CCR3: variants seen among roughly 807,000 people sequenced by gnomAD.
CCR3 encodes C-C motif chemokine receptor 3.
For missense variants in CCR3, 419 were observed against 437.5 expected, an observed-to-expected ratio of 0.96 and a Z score of 0.38; for synonymous variants, 203 against 179.2, an observed-to-expected ratio of 1.13 and a Z score of -1.06.
In CCR3 at chr3:46,266,355, GA is replaced by G. The variant is rs1700634655; in HGVS notation, c.*132del. 1.6e-6 allele frequency: 1 copy of G among 639,628 alleles called. No individual in the cohort carries two copies. The highest frequency in any genetic ancestry group is 2.8e-6 in the Non-Finnish European group (1 of 357,672). The allele number at this position is 639,628 out of a possible 1,614,324, so 39.6% of individuals were successfully genotyped here. ...CAACACTGAAGCTCTTGAAGACACT[GA>G]AATATACACACAGCAGTAGCAGTAG... On this transcript the variant is annotated 3_prime_UTR_variant, in exon 2 of 2. Transcript: ENST00000395940.
intron 2 of CCR3, among the ~76,000 whole-genome samples, chr3:46,234,685 G>T (rs1191352849): frequency 2.6e-5 from 4 of 152,178 alleles, no homozygotes; most frequent in Non-Finnish European, 5.9e-5. Flanking sequence ...CTCCCATGAA[G>T]ATCTGAGTCA....
intron 1 of CCR3, among the ~76,000 whole-genome samples, chr3:46,260,620 A>G (rs945504258): frequency 3.3e-5 from 5 of 152,242 alleles, no homozygotes; most frequent in Admixed American, 2.6e-4. Flanking sequence ...TGCAGATGTA[A>G]GAGGTGAGTT....
upstream of CCR3, among the ~76,000 whole-genome samples, chr3:46,240,629 C>A (rs1347449636): frequency 6.6e-6 from 1 of 152,174 alleles, no homozygotes; most frequent in Non-Finnish European, 1.5e-5. Flanking sequence ...TTCAGACCAC[C>A]CTGAGTGGCT....
At chr3:46,264,843 CCT>C (rs1700587493) in intron 1 of CCR3, 2 of 398,678 alleles carry the variant, frequency 5.0e-6, no homozygotes, top group Admixed American at 8.5e-5. Flanking sequence ...CCTGTTTTTT[CCT>C]GTTTTGTATT....
chr3:46,265,836 G>A lies in CCR3; in HGVS notation c.678G>A (p.Leu226=). The change falls in exon 2 of 2, where the codon CTG becomes CTA. Residue 226 remains leucine, a synonymous_variant. Coordinates refer to ENST00000395940, the MANE Select transcript of CCR3 (RefSeq NM_178329.3). ...AICYTGIIKT[L]LRCPSKKKYK... Reference sequence around the variant, plus strand: ...GCTACACAGGAATCATCAAAACGCTGCTGAGGTGCCCCAGTAAAAAAAAGT... The same window carrying A: ...GCTACACAGGAATCATCAAAACGCTACTGAGGTGCCCCAGTAAAAAAAAGT... The A allele has an allele frequency of 6.2e-7, 1 of 1,614,014 alleles. No individual in the cohort carries two copies. Among genetic ancestry groups the A allele is most frequent in the Non-Finnish European group, 8.5e-7 (1 of 1,179,994 alleles).
chr3:46,215,873 G>A (rs1699768662), intron 2 of CCR3, among the ~76,000 whole-genome samples: 1 of 152,192 alleles, frequency 6.6e-6, no homozygotes, highest in Admixed American at 6.5e-5. Flanking sequence ...GTTGTAGGGA[G>A]CAGGCTCACT....
chr3:46,231,450 A>G (rs1285269761), intron 2 of CCR3, among the ~76,000 whole-genome samples: 2 of 152,236 alleles, frequency 1.3e-5, no homozygotes, highest in South Asian at 4.1e-4. Context: ...TACTTGTAGG[A>G]AAAGGAGCGG....
intron 2 of CCR3, among the ~76,000 whole-genome samples, chr3:46,225,876 G>A (rs949676951): frequency 3.3e-5 from 5 of 152,150 alleles, no homozygotes; most frequent in Admixed American, 2.6e-4. Flanking sequence ...TTTAGGCTGA[G>A]GGTCATTTTG....
Position 46,266,410 on chromosome 3 carries a change from G to A in CCR3, c.*184G>A. ...CATGTACCCTAAGGTCATTACCACA[G>A]GCCAGGGGCTGGGCAGCGTACTCAT... On this transcript the variant is annotated 3_prime_UTR_variant, in exon 2 of 2. Coordinates refer to ENST00000395940, the MANE Select transcript of CCR3 (RefSeq NM_178329.3). The A allele has an allele frequency of 1.8e-6, 1 of 559,248 alleles. No individual in the cohort carries two copies. Among genetic ancestry groups the A allele is most frequent in the South Asian group, 2.7e-5 (1 of 36,780 alleles). 34.6% of individuals were successfully genotyped at this position (559,248 alleles called of 1,614,324 possible).
intron 1 of CCR3, among the ~76,000 whole-genome samples, chr3:46,254,023 G>A (rs1015307633): frequency 2.0e-5 from 3 of 152,226 alleles, no homozygotes; most frequent in African/African-American, 7.2e-5. Context: ...AAGACATAAA[G>A]TTTAAAAAGT....
chr3:46,246,824 C>T (rs999025980), intron 1 of CCR3, among the ~76,000 whole-genome samples: 11 of 151,846 alleles, frequency 7.2e-5, no homozygotes, highest in South Asian at 2.1e-4. Flanking sequence ...AGAGAATGGG[C>T]GATGTTTCCC....
At chr3:46,230,251 G>A (rs1699946866) in intron 2 of CCR3, among the ~76,000 whole-genome samples, 1 of 152,142 alleles carries the variant, frequency 6.6e-6, no homozygotes, top group African/African-American at 2.4e-5. Context: ...GTCACAATAT[G>A]CAAGTTTTCT....
At chr3:46,247,239 G>A (rs184549330) in intron 1 of CCR3, among the ~76,000 whole-genome samples, 4 of 152,236 alleles carry the variant, frequency 2.6e-5, no homozygotes, top group Non-Finnish European at 4.4e-5. Flanking sequence ...GGGCATGTAT[G>A]AGTAGTTGAG....
At chr3:46,223,916 C>G (rs546047350) in intron 2 of CCR3, among the ~76,000 whole-genome samples, 6 of 152,152 alleles carry the variant, frequency 3.9e-5, no homozygotes, top group Admixed American at 2.0e-4. Context: ...CCAGAGGTGT[C>G]GGTAAATAGA....
intron 2 of CCR3, among the ~76,000 whole-genome samples, chr3:46,211,929 T>C (rs1699719677): frequency 6.6e-6 from 1 of 152,194 alleles, no homozygotes; most frequent in South Asian, 2.1e-4. Flanking sequence ...CTGAAGATTC[T>C]AACCTTGAGT....
chr3:46,231,097 G>A (rs1575490819), intron 2 of CCR3, among the ~76,000 whole-genome samples: 1 of 152,058 alleles, frequency 6.6e-6, no homozygotes, highest in Admixed American at 6.5e-5. Context: ...GCTAATTTTT[G>A]TATTTTTAGT....
At chr3:46,262,709 C>T (rs1700549262) in intron 1 of CCR3, among the ~76,000 whole-genome samples, 1 of 152,046 alleles carries the variant, frequency 6.6e-6, no homozygotes, top group Non-Finnish European at 1.5e-5. Context: ...GGCTGGAGTG[C>T]AGCGGCGTGA....
chr3:46,253,295 G>A (rs528945549), intron 1 of CCR3, among the ~76,000 whole-genome samples: 35 of 152,270 alleles, frequency 2.3e-4, no homozygotes, highest in Middle Eastern at 6.8e-3. Context: ...GTGTTCTTGA[G>A]TGGTGGTTGA....
chr3:46,224,282 C>T (rs754502528), intron 2 of CCR3, among the ~76,000 whole-genome samples: 87 of 152,104 alleles, frequency 5.7e-4, no homozygotes, highest in Non-Finnish European at 1.0e-3. Context: ...ATGAAAAAAA[C>T]GCAAAACAAC....
Sources: gnomAD v4.1 joint callset for allele counts (sites outside exome capture counted in the v4.1 genomes callset) on GRCh38, gnomAD v4.1.1 for gene constraint, MANE v1.5 for transcripts, NCBI Gene and HGNC (gene_info 2026-07-23, HGNC 2026-07-21) for gene names.